The following XRCC6 variants were observed in gnomAD, a reference collection of about 807,000 sequenced individuals.
XRCC6 encodes DNA repair protein Ku70.
Under a neutral mutation model 65.7 loss-of-function variants are expected in XRCC6, and 5 were observed. That is an observed-to-expected ratio of 0.08 (90% CI 0.04 to 0.16). The LOEUF (loss-of-function observed/expected upper bound fraction) is 0.16. Ranked by LOEUF, XRCC6 falls within the 10% of genes least tolerant of loss-of-function variation. The probability of loss-of-function intolerance (pLI) is 1.00; values close to 1 mark genes in which losing one functional copy is unlikely to be tolerated. For missense variants in XRCC6, 447 were observed against 738.1 expected (o/e 0.61, Z 4.57); for synonymous variants, 270 against 270.6 (o/e 1.00, Z 0.02).
chr22:41,631,529 G>GAT (rs2067750625), intron 3 of XRCC6, among the ~76,000 whole-genome samples: 1 of 146,708 alleles, frequency 6.8e-6, no homozygotes, highest in African/African-American at 2.5e-5. Flanking sequence ...CATCCCAGAC[G>GAT]GGGCGGCGGG....
chr22:41,635,875 C>T (rs1479611932), intron 3 of XRCC6, among the ~76,000 whole-genome samples: 1 of 152,082 alleles, frequency 6.6e-6, no homozygotes, highest in Non-Finnish European at 1.5e-5. Context: ...TCTCTGATTT[C>T]AATGGCAGGG....
chr22:41,625,715 A>G (rs1041608367), intron 2 of XRCC6, among the ~76,000 whole-genome samples: 2 of 152,202 alleles, frequency 1.3e-5, no homozygotes, highest in Non-Finnish European at 2.9e-5. Flanking sequence ...CTGTAATCCC[A>G]ATACTTTGGG....
At chr22:41,632,058 A>C (rs1300831781) in intron 3 of XRCC6, among the ~76,000 whole-genome samples, 2 of 151,988 alleles carry the variant, frequency 1.3e-5, no homozygotes, top group Non-Finnish European at 2.9e-5. Context: ...GGGAGGTTGC[A>C]GTGAGCCGAG....
intron 6 of XRCC6, among the ~76,000 whole-genome samples, chr22:41,640,523 G>A (rs1031992048): frequency 2.6e-5 from 4 of 152,136 alleles, no homozygotes; most frequent in South Asian, 2.1e-4. Flanking sequence ...GGCCTCAAAC[G>A]TTCCTCCTCA....
chr22:41,657,784 T>C (rs1323613688), intron 10 of XRCC6, among the ~76,000 whole-genome samples: 1 of 152,072 alleles, frequency 6.6e-6, no homozygotes, highest in East Asian at 1.9e-4. Flanking sequence ...CTTCTCAAAG[T>C]GCTGGATTAC....
chr22:41,640,305 C>T (rs183796765), intron 6 of XRCC6, among the ~76,000 whole-genome samples: 25 of 152,202 alleles, frequency 1.6e-4, no homozygotes, highest in Admixed American at 7.9e-4. Context: ...CCCGCCACCA[C>T]GCCGAGCTGA....
intron 3 of XRCC6, among the ~76,000 whole-genome samples, chr22:41,633,450 C>T (rs1207189032): frequency 6.6e-6 from 1 of 150,804 alleles, no homozygotes; most frequent in African/African-American, 2.4e-5. Flanking sequence ...GCTCTTGGCT[C>T]ACTGCAAGCT....
Position 41,663,985 on chromosome 22 carries a change from C to T in XRCC6, c.*170C>T. ...TTGCCATGGTGATGGTGTAGCCCTC[C>T]CACTTTGCTGTTCCTTACTTTACTG... is the stretch of plus-strand genomic sequence containing the variant. On this transcript the variant is annotated 3_prime_UTR_variant, in exon 13 of 13. Coordinates refer to ENST00000360079, the MANE Select transcript of XRCC6 (RefSeq NM_001469.5). The T allele has an allele frequency of 2.8e-6, 2 of 713,988 alleles. No individual in the cohort carries two copies. The highest frequency in any genetic ancestry group is 4.6e-6 in the Non-Finnish European group (2 of 435,546). 44.2% of individuals were successfully genotyped at this position (713,988 alleles called of 1,614,324 possible).
At chr22:41,650,472 C>G (rs1231076480) in intron 7 of XRCC6, among the ~76,000 whole-genome samples, 4 of 152,120 alleles carry the variant, frequency 2.6e-5, no homozygotes, top group Non-Finnish European at 5.9e-5. Context: ...TTCATAAGCA[C>G]AGTCCCACTC....
chr22:41,650,097 A>AT (rs60305397), intron 7 of XRCC6, among the ~76,000 whole-genome samples: 9,039 of 146,972 alleles, frequency 0.062, 630 homozygotes, highest in African/African-American at 0.16. Flanking sequence ...AGGTCAGTAC[A>AT]TTTTTTTTTT....
intron 8 of XRCC6, among the ~76,000 whole-genome samples, chr22:41,652,712 C>T (rs1379795908): frequency 2.0e-5 from 3 of 151,512 alleles, no homozygotes; most frequent in Non-Finnish European, 4.4e-5. Context: ...CTCACTCTGT[C>T]GCCCAGGCTG....
chr22:41,643,087 T>G (rs1422750238), intron 6 of XRCC6, among the ~76,000 whole-genome samples: 1 of 152,250 alleles, frequency 6.6e-6, no homozygotes, highest in Admixed American at 6.5e-5. Flanking sequence ...AGTGAAGATT[T>G]GGTTATTGGA....
chr22:41,643,836 T>C (rs1278689968), intron 6 of XRCC6, among the ~76,000 whole-genome samples: 1 of 109,562 alleles, frequency 9.1e-6, no homozygotes, highest in African/African-American at 3.9e-5. Flanking sequence ...AAAAAAAAAA[T>C]TAGCTGGGCG....
intron 3 of XRCC6, among the ~76,000 whole-genome samples, chr22:41,630,489 CTT>C (rs34290865): frequency 1.4e-5 from 2 of 141,716 alleles, no homozygotes; most frequent in South Asian, 2.2e-4. Flanking sequence ...ATTAGTGTTT[CTT>C]TTTTTTTTTT....
chr22:41,630,683 T>A (rs999527367), intron 3 of XRCC6, among the ~76,000 whole-genome samples: 1 of 151,928 alleles, frequency 6.6e-6, no homozygotes, highest in Non-Finnish European at 1.5e-5. Flanking sequence ...TACTTGAGAT[T>A]AGGGAGTGGT....
intron 3 of XRCC6, among the ~76,000 whole-genome samples, chr22:41,633,513 A>G (rs1455480980): frequency 6.6e-6 from 1 of 151,598 alleles, no homozygotes; most frequent in Non-Finnish European, 1.5e-5. Flanking sequence ...AGTAGCTGGG[A>G]CTACAGGCAC....
chr22:41,639,098 A>AC (rs2067844802), intron 6 of XRCC6, among the ~76,000 whole-genome samples: 2 of 152,162 alleles, frequency 1.3e-5, no homozygotes, highest in Non-Finnish European at 2.9e-5. Context: ...ATTGTTGACC[A>AC]AAATGTTAGT....
intron 3 of XRCC6, 40 bp downstream of exon 3, chr22:41,628,270 T>A: frequency 1.3e-6 from 2 of 1,554,452 alleles, no homozygotes; most frequent in Non-Finnish European, 1.8e-6. Context: ...TTAAAAACAG[T>A]ATTGGCTGGG....
intron 9 of XRCC6, among the ~76,000 whole-genome samples, chr22:41,654,627 C>T (rs911402251): frequency 6.6e-6 from 1 of 152,216 alleles, no homozygotes; most frequent in Non-Finnish European, 1.5e-5. Flanking sequence ...CAGCCAGTAA[C>T]TGAACTAAAA....
Sources: gnomAD v4.1 joint callset for allele counts (sites outside exome capture counted in the v4.1 genomes callset) on GRCh38, gnomAD v4.1.1 for gene constraint, MANE v1.5 for transcripts, NCBI Gene and HGNC (gene_info 2026-07-23, HGNC 2026-07-21) for gene names.